The following KAT2B variants were observed in gnomAD, a reference collection of about 807,000 sequenced individuals.
The protein encoded by KAT2B is lysine acetyltransferase 2B, also known as histone acetyltransferase KAT2B.
Under a neutral mutation model 105.9 loss-of-function variants are expected in KAT2B, and 36 were observed. The ratio of observed to expected loss-of-function variants is 0.34; its 90% CI spans 0.26 to 0.45. The LOEUF is 0.45. Ranked by LOEUF, KAT2B falls within the 20% of genes least tolerant of loss-of-function variation. The pLI, the probability that KAT2B is intolerant of heterozygous loss-of-function variation, is 1.00. For synonymous variants in KAT2B, 397 were observed against 377.9 expected (o/e 1.05, Z -0.59); for missense variants, 820 against 1,021.6 (o/e 0.80, Z 2.69).
Position 20,119,647 on chromosome 3 carries a change from A to T in KAT2B, c.1200A>T (p.Ser400=). 1.2e-6 allele frequency: 2 copies of T among 1,614,046 alleles called. No individual in the cohort carries two copies. Among genetic ancestry groups the T allele is most frequent in the Non-Finnish European group, 1.7e-6 (2 of 1,179,976 alleles). ...GGACAATTTCATACAATTCAACCTC[A>T]TCTTCCCTTGAGCAGCCAAACGCAG... is the stretch of plus-strand genomic sequence containing the variant. ...VAGTISYNST[S]SSLEQPNAGS... Residue 400 remains serine (S), a synonymous_variant, in exon 8 of 18, where the codon TCA becomes TCT. Coordinates refer to ENST00000263754, the MANE Select transcript of KAT2B (RefSeq NM_003884.5).
intron 11 of KAT2B, among the ~76,000 whole-genome samples, chr3:20,130,863 G>GTGTC (rs952433044): frequency 6.6e-6 from 1 of 151,556 alleles, no homozygotes; most frequent in Admixed American, 6.6e-5. Context: ...TAGTGTGTGT[G>GTGTC]TGTGTGTGCG....
intron 7 of KAT2B, among the ~76,000 whole-genome samples, chr3:20,115,274 A>T (rs1237596460): frequency 6.6e-6 from 1 of 152,222 alleles, no homozygotes; most frequent in Non-Finnish European, 1.5e-5. Context: ...GAGTCTCAGG[A>T]TGTGAACTAC....
At chr3:20,088,588 A>T (rs1042662154) in intron 2 of KAT2B, among the ~76,000 whole-genome samples, 2 of 152,170 alleles carry the variant, frequency 1.3e-5, no homozygotes, top group African/African-American at 4.8e-5. Context: ...ACATTTTAAA[A>T]TTGGGTTGTT....
intron 1 of KAT2B, among the ~76,000 whole-genome samples, chr3:20,062,906 T>G (rs1698162721): frequency 6.6e-6 from 1 of 152,190 alleles, no homozygotes; most frequent in African/African-American, 2.4e-5. Context: ...GTAGGCATTC[T>G]TTATATATTT....
intron 1 of KAT2B, among the ~76,000 whole-genome samples, chr3:20,068,127 G>T (rs954391968): frequency 2.0e-4 from 30 of 151,626 alleles, no homozygotes; most frequent in African/African-American, 6.5e-4. Flanking sequence ...CATCTGAGTA[G>T]CTGGGATTAC....
intron 2 of KAT2B, among the ~76,000 whole-genome samples, chr3:20,081,914 C>CATAT (rs145138566): frequency 0.088 from 11,592 of 131,072 alleles, 642 homozygotes; most frequent in Non-Finnish European, 0.12. Flanking sequence ...TAGAGAGTCT[C>CATAT]ATATATATAT....
intron 2 of KAT2B, among the ~76,000 whole-genome samples, chr3:20,079,974 A>G (rs1221911596): frequency 6.6e-6 from 1 of 152,200 alleles, no homozygotes. Flanking sequence ...TCCTCTGGTC[A>G]TGAAATCCTG....
At chr3:20,046,432 A>G (rs1397528340) in intron 1 of KAT2B, among the ~76,000 whole-genome samples, 2 of 152,118 alleles carry the variant, frequency 1.3e-5, no homozygotes, top group African/African-American at 2.4e-5. Context: ...AATTACGAAA[A>G]TTAGCCGGGC....
rs1029646578 is a variant in KAT2B at position 20,152,924 on chromosome 3, G to C, written c.*399G>C. On this transcript the variant is annotated 3_prime_UTR_variant, in exon 18 of 18. Coordinates refer to ENST00000263754, the MANE Select transcript of KAT2B (RefSeq NM_003884.5). ...TCCATTTTTTTCTAATGGAATGTGA[G>C]AGTTTACTTTTATTTTATTCTGAAG... The C allele has an allele frequency of 2.6e-5, 4 of 154,986 alleles. No individual in the cohort carries two copies. The highest frequency in any genetic ancestry group is 6.4e-5 in the Admixed American group (1 of 15,634). 9.6% of individuals were successfully genotyped at this position (154,986 alleles called of 1,614,324 possible).
rs1468359677 is a variant in KAT2B at position 20,053,876 on chromosome 3, G to A, written c.303+13096G>A. Reference sequence around the variant, plus strand: ...TGCAGTGGCATGATCTCAGCTCACCGCGACTTCCATCTCCAGGTTCAAGTG... The same window carrying A: ...TGCAGTGGCATGATCTCAGCTCACCACGACTTCCATCTCCAGGTTCAAGTG... On this transcript the variant is annotated intron_variant, in intron 1 of 17. Transcript: ENST00000263754. Among the ~76,000 whole-genome samples the A allele has an allele frequency of 3.9e-5, 6 of 152,016 alleles. No homozygotes were observed. The South Asian group carries it at 8.3e-4, about 21-fold the overall frequency.
At chr3:20,122,497 G>A (rs1395779404) in intron 8 of KAT2B, among the ~76,000 whole-genome samples, 171 bp from the exon 9 acceptor site, 1 of 152,160 alleles carries the variant, frequency 6.6e-6, no homozygotes, top group Non-Finnish European at 1.5e-5. Flanking sequence ...GGCAGTTATT[G>A]TGAGCTCACA....
chr3:20,123,024 C>T, intron 9 of KAT2B: 2 of 879,870 alleles, frequency 2.3e-6, no homozygotes, highest in Non-Finnish European at 2.7e-6. Context: ...CTAATAATCT[C>T]ACAGTTGAAG....
intron 13 of KAT2B, 49 bp from the exon 14 acceptor site, chr3:20,146,267 T>C (rs760757315): frequency 1.9e-6 from 2 of 1,045,954 alleles, no homozygotes; most frequent in South Asian, 2.5e-5. Flanking sequence ...ACTTGAACTG[T>C]ATCCATAGAC....
Position 20,136,881 on chromosome 3 carries a change from G to A in KAT2B, c.1750-61G>A, listed in dbSNP as rs1699607955. 3.7e-6 allele frequency: 3 copies of A among 819,148 alleles called. 1 individual carries two copies. Among genetic ancestry groups the A allele is most frequent in the Middle Eastern group, 6.1e-4 (2 of 3,276 alleles). The allele number at this position is 819,148 out of a possible 1,614,324, so 50.7% of individuals were successfully genotyped here. ...CTGAATTCACCATCATTTCCTGATG[G>A]ATTTGTAAAAATTTTTCTCCCCAGT... On this transcript the variant is annotated intron_variant, in intron 11 of 17. Coordinates refer to ENST00000263754, the MANE Select transcript of KAT2B (RefSeq NM_003884.5).
chr3:20,119,833 G>A, intron 8 of KAT2B, 110 bp downstream of exon 8: 4 of 1,146,974 alleles, frequency 3.5e-6, no homozygotes, highest in South Asian at 3.1e-5. Context: ...GCATGTCCAG[G>A]ATTTTAACAG....
Position 20,138,643 on chromosome 3 carries a change from GTTTGA to G in KAT2B, c.1861-1574_1861-1570del, listed in dbSNP as rs1219631937. Among the ~76,000 whole-genome samples the G allele has an allele frequency of 6.6e-5, 10 of 152,224 alleles. No homozygotes were observed. In the South Asian group the frequency reaches 2.1e-3, roughly 32 times the overall value. On this transcript the variant is annotated intron_variant, in intron 12 of 17. Coordinates refer to ENST00000263754, the MANE Select transcript of KAT2B (RefSeq NM_003884.5). Reference sequence around the variant, plus strand: ...GTATGTTTGAATTTATTTATGTGAAGTTTGATTTATTTTTCCATGTTTATCAATTC... The same window carrying G: ...GTATGTTTGAATTTATTTATGTGAAGTTTATTTTTCCATGTTTATCAATTC...
Position 20,140,281 on chromosome 3 carries a change from G to A in KAT2B, c.1921G>A (p.Glu641Lys). The A allele has an allele frequency of 6.2e-7, 1 of 1,612,124 alleles. No individual in the cohort carries two copies. Among genetic ancestry groups the A allele is most frequent in the Non-Finnish European group, 8.5e-7 (1 of 1,178,202 alleles). ...ATATGTTGGCTATATCAAGGATTAT[G>A]AAGGAGCCACTTTAATGGGATGTGA... ...TKYVGYIKDY[E>K]GATLMGCELN... Residue 641 changes from glutamate (E) to lysine (K), a missense_variant, in exon 13 of 18, where the codon GAA becomes AAA. Around this residue, in one of 6 missense-constraint regions of KAT2B, gnomAD observed 227 missense variants for 292.9 expected, o/e 0.77. Coordinates refer to ENST00000263754, the MANE Select transcript of KAT2B (RefSeq NM_003884.5).
At chr3:20,126,799 G>C (rs1699411933) in intron 10 of KAT2B, among the ~76,000 whole-genome samples, 1 of 126,706 alleles carries the variant, frequency 7.9e-6, no homozygotes, top group Non-Finnish European at 1.6e-5. Flanking sequence ...TCCAGCCTGG[G>C]CAACAGAGCG....
chr3:20,055,781 C>T (rs566217982), intron 1 of KAT2B, among the ~76,000 whole-genome samples: 2 of 152,286 alleles, frequency 1.3e-5, no homozygotes, highest in East Asian at 1.9e-4. Context: ...TTTCCATCCC[C>T]CTAGAAAATT....
Sources: allele counts gnomAD v4.1 joint callset (sites outside exome capture counted in the v4.1 genomes callset), GRCh38; gene constraint gnomAD v4.1.1; regional missense constraint gnomAD v4.1.1; transcripts MANE v1.5; gene names NCBI Gene and HGNC (gene_info 2026-07-23, HGNC 2026-07-21).